CDH4: variants seen among roughly 807,000 people sequenced by gnomAD.
CDH4 encodes cadherin-4.
Under a neutral mutation model 86.0 loss-of-function variants are expected in CDH4, and 33 were observed. That is an observed-to-expected ratio of 0.38 (90% CI 0.29 to 0.51). The LOEUF (loss-of-function observed/expected upper bound fraction) is 0.51. Ranked by LOEUF, CDH4 falls within the 20% of genes least tolerant of loss-of-function variation. The probability of loss-of-function intolerance (pLI) is 0.86; values close to 1 mark genes in which losing one functional copy is unlikely to be tolerated. For synonymous variants in CDH4, 555 were observed against 549.4 expected, an observed-to-expected ratio of 1.01 and a Z score of -0.14; for missense variants, 1,114 against 1,307.4, an observed-to-expected ratio of 0.85 and a Z score of 2.28.
At chr20:61,779,886 A>C (rs1163849852) in intron 4 of CDH4, among the ~76,000 whole-genome samples, 2 of 152,196 alleles carry the variant, frequency 1.3e-5, no homozygotes, top group Non-Finnish European at 2.9e-5. Flanking sequence ...GGGCCAGCTG[A>C]ATTTTAGCCC....
At chr20:61,912,798 G>A (rs753493425) in intron 9 of CDH4, among the ~76,000 whole-genome samples, 18 of 152,244 alleles carry the variant, frequency 1.2e-4, no homozygotes, top group Admixed American at 1.1e-3. Context: ...ATCTGTGTGC[G>A]CAGGGACTGG....
At chr20:61,723,311 C>G (rs2145915519) in intron 2 of CDH4, among the ~76,000 whole-genome samples, 1 of 152,320 alleles carries the variant, frequency 6.6e-6, no homozygotes, top group Admixed American at 6.5e-5. Flanking sequence ...TCCTCCGGAC[C>G]CCCGTCCTGG....
At chr20:61,499,958 G>T (rs183601409) in intron 2 of CDH4, among the ~76,000 whole-genome samples, 3 of 152,198 alleles carry the variant, frequency 2.0e-5, no homozygotes, top group Non-Finnish European at 2.9e-5. Context: ...CACCCAGGAG[G>T]CACGGGCGCA....
intron 5 of CDH4, among the ~76,000 whole-genome samples, chr20:61,845,866 C>T (rs1358984852): frequency 6.6e-6 from 1 of 152,248 alleles, no homozygotes; most frequent in Non-Finnish European, 1.5e-5. Flanking sequence ...CAGGGCCCGA[C>T]CCTGCAGCTT....
chr20:61,376,521 G>A (rs914830928), intron 2 of CDH4, among the ~76,000 whole-genome samples: 2 of 152,198 alleles, frequency 1.3e-5, no homozygotes, highest in African/African-American at 4.8e-5. Context: ...ACATGGTGAG[G>A]AGGCTGAGGT....
At chr20:61,594,090 C>A (rs1422044183) in intron 2 of CDH4, among the ~76,000 whole-genome samples, 1 of 78,626 alleles carries the variant, frequency 1.3e-5, no homozygotes, top group Non-Finnish European at 2.5e-5. Context: ...GGTGTGGGAA[C>A]TGACCTGAGA....
Position 61,516,875 on chromosome 20 carries a change from A to G in CDH4, c.170-226688A>G, listed in dbSNP as rs370002065. ...TACTCCCTGGCTCCTCGTCCTAGCAAGGAGCTCCAGGCACCCTCAGCCTGT... is the reference window on the plus strand; with the variant it reads ...TACTCCCTGGCTCCTCGTCCTAGCAGGGAGCTCCAGGCACCCTCAGCCTGT... On this transcript the variant is annotated intron_variant, in intron 2 of 15. Transcript: ENST00000614565. The surrounding 1 kb of genome is among the most constrained non-coding windows in gnomAD (Gnocchi z 4.0). 5.3e-5 allele frequency among the ~76,000 whole-genome samples: 8 copies of G among 152,134 alleles called. No homozygotes were observed. The highest frequency in any genetic ancestry group is 1.9e-4 in the East Asian group (1 of 5,196).
intron 4 of CDH4, among the ~76,000 whole-genome samples, chr20:61,809,034 C>G (rs1055109583): frequency 3.9e-5 from 6 of 152,310 alleles, no homozygotes; most frequent in African/African-American, 1.4e-4. Flanking sequence ...GAAGGCATCC[C>G]GAGTCCCAGC....
chr20:61,929,883 G>T lies in CDH4; in HGVS notation c.2239+41G>T, dbSNP rs1046173590. ...CACCAGGGTGGGCAGGGGCATTGTG[G>T]GTATGAGTGCCCTGTCCCAGGCATG... On this transcript the variant is annotated intron_variant, in intron 13 of 15. Coordinates refer to ENST00000614565, the MANE Select transcript of CDH4 (RefSeq NM_001794.5). 6.6e-6 allele frequency: 10 copies of T among 1,512,736 alleles called. No homozygotes were observed. The African/African-American group carries it at 1.4e-4, about 21-fold the overall frequency. 93.7% of individuals were successfully genotyped at this position (1,512,736 alleles called of 1,614,324 possible).
intron 2 of CDH4, among the ~76,000 whole-genome samples, chr20:61,263,932 A>T (rs978855308): frequency 6.6e-6 from 1 of 151,992 alleles, no homozygotes; most frequent in South Asian, 2.1e-4. Flanking sequence ...CACTGGTCAC[A>T]TCCACCTCTC....
chr20:61,506,328 T>C (rs1365299697), intron 2 of CDH4, among the ~76,000 whole-genome samples: 2 of 152,234 alleles, frequency 1.3e-5, no homozygotes, highest in East Asian at 3.9e-4. Context: ...CTCGAAACAT[T>C]ACGAATGCAA....
At chr20:61,364,531 G>T (rs115753142) in intron 2 of CDH4, among the ~76,000 whole-genome samples, 2,804 of 152,296 alleles carry the variant, frequency 0.018, 71 homozygotes, top group African/African-American at 0.064. Flanking sequence ...TCTCTGTTCC[G>T]CATCAGGAGG....
rs372510092 is a variant in CDH4, at chr20:61,518,521, TCATC to T, written c.170-225033_170-225030del. The stretch of plus-strand genomic sequence containing the variant: ...CATCATCCATCCATCCGTCCATCTA[TCATC>T]CATCCATCTATCCATCATTCATCCA... On this transcript the variant is annotated intron_variant, in intron 2 of 15. Transcript: ENST00000614565. This position sits in a 1 kb window ranked among gnomAD's most constrained non-coding sequence, Gnocchi z 6.3. Among the ~76,000 whole-genome samples the T allele has an allele frequency of 2.0e-5, 3 of 151,656 alleles. No individual in the cohort carries two copies. Among genetic ancestry groups the T allele is most frequent in the South Asian group, 2.1e-4 (1 of 4,792 alleles).
chr20:61,282,291 G>T (rs1346230098), intron 2 of CDH4, among the ~76,000 whole-genome samples: 2 of 152,124 alleles, frequency 1.3e-5, no homozygotes, highest in Non-Finnish European at 2.9e-5. Context: ...CCTGGAAGAC[G>T]GAGGTTTCAG....
intron 2 of CDH4, among the ~76,000 whole-genome samples, chr20:61,313,916 G>A (rs117956950): frequency 0.036 from 5,508 of 152,150 alleles, 156 homozygotes; most frequent in Non-Finnish European, 0.055. Flanking sequence ...TTTGTTTTTT[G>A]TAGAGATGGG....
intron 4 of CDH4, among the ~76,000 whole-genome samples, chr20:61,817,430 C>T (rs539604283): frequency 5.1e-4 from 78 of 152,230 alleles, no homozygotes; most frequent in Non-Finnish European, 9.6e-4. Context: ...TCCCCACCCC[C>T]CAAATGGATC....
intron 2 of CDH4, among the ~76,000 whole-genome samples, chr20:61,391,364 TG>T (rs1488354606): frequency 6.6e-6 from 1 of 151,932 alleles, no homozygotes; most frequent in Non-Finnish European, 1.5e-5. Flanking sequence ...AGGAGAAAGG[TG>T]GGGGGCAGCT....
intron 2 of CDH4, among the ~76,000 whole-genome samples, chr20:61,321,612 G>T (rs1432719254): frequency 6.6e-6 from 1 of 152,268 alleles, no homozygotes; most frequent in Non-Finnish European, 1.5e-5. Context: ...CCATGTAGAC[G>T]TGCGGTGAGC....
chr20:61,524,086 G>A (rs2085892885), intron 2 of CDH4, among the ~76,000 whole-genome samples: 1 of 152,156 alleles, frequency 6.6e-6, no homozygotes, highest in Non-Finnish European at 1.5e-5. Context: ...TTTACCTGGG[G>A]AATGCTGTTT....
Sources: gnomAD v4.1 joint callset for allele counts (sites outside exome capture counted in the v4.1 genomes callset) on GRCh38, gnomAD v4.1.1 for gene constraint, Gnocchi (gnomAD v3.1) non-coding constraint, MANE v1.5 for transcripts, NCBI Gene and HGNC (gene_info 2026-07-23, HGNC 2026-07-21) for gene names.